PCDHGA11: variants seen among roughly 807,000 people sequenced by gnomAD.
PCDHGA11 encodes the protein protocadherin gamma subfamily A, 11.
PCDHGA11 carries 39 observed loss-of-function variants against 60.4 expected under a neutral mutation model. The ratio of observed to expected loss-of-function variants is 0.65; its 90% CI spans 0.50 to 0.84. The LOEUF is 0.84. PCDHGA11 is among the 40% of genes least tolerant of loss of function. The pLI, the probability that PCDHGA11 is intolerant of heterozygous loss-of-function variation, is 0.00. For synonymous variants in PCDHGA11, 533 were observed against 510.3 expected, an observed-to-expected ratio of 1.04 and a Z score of -0.60; for missense variants, 1,165 against 1,197.7, an observed-to-expected ratio of 0.97 and a Z score of 0.40.
At chr5:141,467,117 A>G (rs62379198) in intron 1 of PCDHGA11, among the ~76,000 whole-genome samples, 35,587 of 150,646 alleles carry the variant, frequency 0.24, 4,364 homozygotes, top group Admixed American at 0.32. Flanking sequence ...CAATGGTGCA[A>G]TCTCAGCTCA....
chr5:141,466,278 T>G (rs1459665755), intron 1 of PCDHGA11, among the ~76,000 whole-genome samples: 1 of 152,128 alleles, frequency 6.6e-6, no homozygotes, highest in Non-Finnish European at 1.5e-5. Context: ...TCAAGCAATC[T>G]TCCCACCTCA....
chr5:141,431,709 T>A lies in PCDHGA11; in HGVS notation c.2433+8049T>A. 6.2e-7 allele frequency: 1 copy of A among 1,614,168 alleles called. No individual in the cohort carries two copies. Among genetic ancestry groups the A allele is most frequent in the Non-Finnish European group, 8.5e-7 (1 of 1,180,018 alleles). ...CACGAGGAGTCAGGATTCTACCAGA[T>A]GGAAGTGCAAGCAATGGATAATGCA... On this transcript the variant is annotated intron_variant, in intron 1 of 3. Coordinates refer to ENST00000398587, the MANE Select transcript of PCDHGA11 (RefSeq NM_018914.3). This position sits in a 1 kb window ranked among gnomAD's most constrained non-coding sequence, Gnocchi z 4.8.
At chr5:141,427,132 G>T (rs755992698) in intron 1 of PCDHGA11, 1 of 457,106 alleles carries the variant, frequency 2.2e-6, no homozygotes, top group Non-Finnish European at 4.4e-6. Context: ...AAATCCCTAC[G>T]AGATGATATT....
At chr5:141,507,183 C>T (rs2099859036) in intron 3 of PCDHGA11, 1 of 152,428 alleles carries the variant, frequency 6.6e-6, no homozygotes, top group Non-Finnish European at 1.5e-5. Flanking sequence ...TCCTCGAGCT[C>T]TGCTTTATTC....
At chr5:141,461,225 T>C (rs1157429654) in intron 1 of PCDHGA11, among the ~76,000 whole-genome samples, 3 of 152,162 alleles carry the variant, frequency 2.0e-5, no homozygotes, top group African/African-American at 7.2e-5. Flanking sequence ...CTGTTTTCCA[T>C]AGAGGTTGTA....
Position 141,491,279 on chromosome 5 carries a change from T to G in PCDHGA11, c.2434-3528T>G. 1 of 1,614,110 alleles carries G rather than the reference T, an allele frequency of 6.2e-7. No individual in the cohort carries two copies. The highest frequency in any genetic ancestry group is 2.2e-5 in the East Asian group (1 of 44,878). ...GAGGAAATGCCCAAATCCAGTGACT[T>G]CCTCATACACCCTCCTGAGCGTTCA... On this transcript the variant is annotated intron_variant, in intron 1 of 3. Transcript: ENST00000398587. The surrounding 1 kb of genome is among the most constrained non-coding windows in gnomAD (Gnocchi z 6.9).
chr5:141,472,254 T>C (rs1031738513), intron 1 of PCDHGA11, among the ~76,000 whole-genome samples: 1 of 152,074 alleles, frequency 6.6e-6, no homozygotes, highest in Admixed American at 6.6e-5. Context: ...TTTAAAGTTA[T>C]ATTATAGCCG....
At chr5:141,472,980 C>CAAAAAA (rs60579131) in intron 1 of PCDHGA11, among the ~76,000 whole-genome samples, 7 of 86,100 alleles carry the variant, frequency 8.1e-5, no homozygotes, top group South Asian at 4.3e-4. Context: ...GAGTGAAACT[C>CAAAAAA]AAAAAAAAAA....
chr5:141,470,035 G>A lies in PCDHGA11; in HGVS notation c.2434-24772G>A, dbSNP rs761812438. ...TCCCAGCTACTCGGGATGCTGAGGC[G>A]CGAGAACTGTTTGAACCCCGGAGGC... On this transcript the variant is annotated intron_variant, in intron 1 of 3. Transcript: ENST00000398587. Among the ~76,000 whole-genome samples, 97 of 152,224 alleles carry A rather than the reference G, an allele frequency of 6.4e-4. 2 individuals carry two copies. Among genetic ancestry groups the A allele is most frequent in the East Asian group, 1.2e-3 (6 of 5,170 alleles).
intron 1 of PCDHGA11, chr5:141,424,621 T>C (rs560809778): frequency 6.6e-6 from 1 of 152,346 alleles, no homozygotes; most frequent in Non-Finnish European, 1.5e-5. Context: ...TAGAGTAGTT[T>C]GTGAATATAT....
intron 1 of PCDHGA11, chr5:141,433,042 G>A (rs752612411): frequency 6.2e-6 from 10 of 1,614,142 alleles, no homozygotes; most frequent in Non-Finnish European, 7.6e-6. Flanking sequence ...CCCTCACCAC[G>A]GACTCGCGGA....
At chr5:141,435,925 A>G (rs978837252) in intron 1 of PCDHGA11, among the ~76,000 whole-genome samples, 16 of 152,166 alleles carry the variant, frequency 1.1e-4, no homozygotes, top group Non-Finnish European at 1.5e-5. Context: ...AAAATGCGGC[A>G]GTTGCTGCTT....
At chr5:141,451,880 A>G (rs1322052501) in intron 1 of PCDHGA11, among the ~76,000 whole-genome samples, 1 of 152,106 alleles carries the variant, frequency 6.6e-6, no homozygotes, top group East Asian at 1.9e-4. Flanking sequence ...AACCCTGTCA[A>G]GAAAGAAAGG....
At chr5:141,451,526 G>T (rs896029145) in intron 1 of PCDHGA11, among the ~76,000 whole-genome samples, 1 of 152,168 alleles carries the variant, frequency 6.6e-6, no homozygotes, top group African/African-American at 2.4e-5. Flanking sequence ...GCAAGTAAAG[G>T]AGAGTGCCAG....
At chr5:141,430,595 G>T (rs549786394) in intron 1 of PCDHGA11, 3 of 567,018 alleles carry the variant, frequency 5.3e-6, no homozygotes, top group African/African-American at 1.9e-5. Context: ...CCTTGCACGC[G>T]CCTGAAGCAC....
intron 1 of PCDHGA11, among the ~76,000 whole-genome samples, chr5:141,465,788 T>A (rs1322471400): frequency 6.6e-6 from 1 of 152,110 alleles, no homozygotes; most frequent in Non-Finnish European, 1.5e-5. Context: ...AGTTTTTTTT[T>A]TTTTAAGAAA....
rs566635689 is a variant in PCDHGA11, at chr5:141,469,738, C to G, written c.2434-25069C>G. ...AGGAATTTATCATAAATACACACCT[C>G]AAAAATTACAAAAATACATATATAC... is the stretch of plus-strand genomic sequence containing the variant. On this transcript the variant is annotated intron_variant, in intron 1 of 3. Transcript: ENST00000398587. 6.7e-4 allele frequency among the ~76,000 whole-genome samples: 102 copies of G among 152,292 alleles called. 2 individuals are homozygous for G. Among genetic ancestry groups the G allele is most frequent in the African/African-American group, 2.4e-3 (99 of 41,552 alleles).
At chr5:141,503,660 C>A (rs2099827842) in intron 2 of PCDHGA11, among the ~76,000 whole-genome samples, 1 of 150,420 alleles carries the variant, frequency 6.6e-6, no homozygotes, top group Non-Finnish European at 1.5e-5. Flanking sequence ...AACAGAATTA[C>A]AACTCTTCCC....
intron 1 of PCDHGA11, among the ~76,000 whole-genome samples, chr5:141,433,690 A>G (rs951380027): frequency 2.0e-5 from 3 of 152,088 alleles, no homozygotes; most frequent in African/African-American, 7.2e-5. Flanking sequence ...ATACAAAATT[A>G]GCCGGGCGTG....
Sources: allele counts gnomAD v4.1 joint callset (sites outside exome capture counted in the v4.1 genomes callset), GRCh38; gene constraint gnomAD v4.1.1; non-coding constraint Gnocchi (gnomAD v3.1); transcripts MANE v1.5; gene names NCBI Gene and HGNC (gene_info 2026-07-23, HGNC 2026-07-21).